The following GULP1 variants were observed in gnomAD, a reference collection of about 807,000 sequenced individuals.
GULP1 encodes GULP PTB domain containing engulfment adaptor 1.
GULP1 carries 19 observed loss-of-function variants against 40.9 expected under a neutral mutation model. The observed-to-expected ratio is 0.46, with a 90% CI of 0.32 to 0.68. GULP1 has a LOEUF of 0.68. Ranked by LOEUF, GULP1 falls within the 30% of genes least tolerant of loss-of-function variation. The pLI is 0.03. For synonymous variants in GULP1, 119 were observed against 117.6 expected, an observed-to-expected ratio of 1.01 and a Z score of -0.08; for missense variants, 312 against 362.2, an observed-to-expected ratio of 0.86 and a Z score of 1.12.
At chr2:188,321,104 G>T (rs1248012824) in intron 1 of GULP1, among the ~76,000 whole-genome samples, 8 of 152,088 alleles carry the variant, frequency 5.3e-5, no homozygotes, top group African/African-American at 1.9e-4. Context: ...TATTTTAAAA[G>T]AATTACCTAT....
chr2:188,465,058 C>T (rs1222566560), intron 2 of GULP1, among the ~76,000 whole-genome samples: 2 of 151,656 alleles, frequency 1.3e-5, no homozygotes, highest in African/African-American at 4.8e-5. Flanking sequence ...CTTTTTCCTC[C>T]ACTTCTCTCA....
At chr2:188,376,461 A>C (rs970824461) in intron 1 of GULP1, among the ~76,000 whole-genome samples, 1 of 152,208 alleles carries the variant, frequency 6.6e-6, no homozygotes, top group South Asian at 2.1e-4. Context: ...GAATTGAGTG[A>C]ACAGTTGGTT....
intron 2 of GULP1, among the ~76,000 whole-genome samples, chr2:188,448,965 C>T (rs1575327117): frequency 1.3e-5 from 2 of 152,116 alleles, no homozygotes; most frequent in Non-Finnish European, 2.9e-5. Context: ...TGAGCAGATG[C>T]CAGTGCCATG....
intron 9 of GULP1, among the ~76,000 whole-genome samples, chr2:188,583,196 A>T (rs1701666992): frequency 6.6e-6 from 1 of 152,144 alleles, no homozygotes; most frequent in Non-Finnish European, 1.5e-5. Context: ...AGAAAGGGGG[A>T]TGACAGCAAT....
chr2:188,304,264 T>C (rs1011335810), intron 1 of GULP1, among the ~76,000 whole-genome samples: 9 of 152,184 alleles, frequency 5.9e-5, no homozygotes, highest in African/African-American at 1.2e-4. Context: ...TTTGTCTCTT[T>C]CTGTCTATTA....
At chr2:188,311,337 C>T (rs1204222237) in intron 1 of GULP1, among the ~76,000 whole-genome samples, 2 of 152,070 alleles carry the variant, frequency 1.3e-5, no homozygotes, top group Non-Finnish European at 2.9e-5. Context: ...GCTGGGACTA[C>T]AGGCATGCGC....
chr2:188,492,244 T>C (rs891206418), intron 4 of GULP1, among the ~76,000 whole-genome samples: 1 of 152,000 alleles, frequency 6.6e-6, no homozygotes. Context: ...CAAAGTGTTA[T>C]ATATTTAAGA....
chr2:188,542,576 G>C (rs1690814159), intron 7 of GULP1, among the ~76,000 whole-genome samples: 1 of 151,840 alleles, frequency 6.6e-6, no homozygotes. Flanking sequence ...TAAGCTACTA[G>C]ATATCATAAT....
intron 2 of GULP1, among the ~76,000 whole-genome samples, chr2:188,410,174 T>C (rs2053676301): frequency 6.6e-6 from 1 of 152,176 alleles, no homozygotes; most frequent in Non-Finnish European, 1.5e-5. Flanking sequence ...TGTCATTTCA[T>C]GTCACATACA....
chr2:188,389,784 T>C lies in GULP1; in HGVS notation c.-45+5895T>C, dbSNP rs10170681. Among the ~76,000 whole-genome samples, 307 of 152,236 alleles carry C rather than the reference T, an allele frequency of 2.0e-3. 1 individual carries two copies. Among genetic ancestry groups the C allele is most frequent in the African/African-American group, 7.1e-3 (294 of 41,538 alleles). On this transcript the variant is annotated intron_variant, in intron 2 of 11. Transcript: ENST00000409830. ...CAGTTCCCACCCTCCCCATTCTGGA[T>C]GTAGCTATCCAGAGTCTCCAAAGTC...
chr2:188,335,673 A>G (rs1367714294), intron 1 of GULP1, among the ~76,000 whole-genome samples: 1 of 152,218 alleles, frequency 6.6e-6, no homozygotes, highest in Non-Finnish European at 1.5e-5. Context: ...ATAGGATTTG[A>G]CGCAAAAAAA....
chr2:188,465,317 G>A (rs77659029), intron 2 of GULP1, among the ~76,000 whole-genome samples: 1 of 151,952 alleles, frequency 6.6e-6, no homozygotes, highest in African/African-American at 2.4e-5. Context: ...GGAAGCTAAG[G>A]TCTGAACAGG....
intron 1 of GULP1, among the ~76,000 whole-genome samples, chr2:188,358,897 TA>T (rs1003355666): frequency 2.0e-5 from 3 of 152,100 alleles, no homozygotes; most frequent in African/African-American, 7.2e-5. Context: ...ATTGACACAT[TA>T]AAAAATAAGT....
chr2:188,569,413 C>G (rs1698542863), intron 8 of GULP1, 58 bp downstream of exon 8: 2 of 898,982 alleles, frequency 2.2e-6, no homozygotes, highest in Non-Finnish European at 3.8e-6. Context: ...GGGAAACTTG[C>G]ATATCGTCAA....
In GULP1 at chr2:188,298,189, C is replaced by T. The variant is rs996048326; in HGVS notation, c.-172+6023C>T. On this transcript the variant is annotated intron_variant, in intron 1 of 11. Coordinates refer to ENST00000409830, the MANE Select transcript of GULP1 (RefSeq NM_016315.4). ...GGTTGATGATCAAACTCTCCTTTTA[C>T]TTCCTTGATGATGTGTGTTATTATA... is the stretch of plus-strand genomic sequence containing the variant. Among the ~76,000 whole-genome samples, 3 of 152,074 alleles carry T rather than the reference C, an allele frequency of 2.0e-5. No individual in the cohort carries two copies. The South Asian group carries it at 6.3e-4, about 32-fold the overall frequency.
intron 2 of GULP1, among the ~76,000 whole-genome samples, chr2:188,390,369 G>A (rs2050351226): frequency 6.6e-6 from 1 of 152,124 alleles, no homozygotes; most frequent in Non-Finnish European, 1.5e-5. Flanking sequence ...GATTAGTGAT[G>A]TTGAGCATTT....
At chr2:188,389,946 T>C (rs2050287985) in intron 2 of GULP1, among the ~76,000 whole-genome samples, 3 of 152,078 alleles carry the variant, frequency 2.0e-5, no homozygotes, top group African/African-American at 7.2e-5. Context: ...GCAAAAGACA[T>C]TATTTCATCC....
intron 6 of GULP1, among the ~76,000 whole-genome samples, chr2:188,535,115 T>C (rs1024414693): frequency 4.6e-5 from 7 of 151,500 alleles, no homozygotes; most frequent in Non-Finnish European, 8.8e-5. Flanking sequence ...AAATTAATAG[T>C]AAATTACTAG....
chr2:188,326,124 A>T (rs1353912279), intron 1 of GULP1, among the ~76,000 whole-genome samples: 1 of 151,992 alleles, frequency 6.6e-6, no homozygotes, highest in Non-Finnish European at 1.5e-5. Flanking sequence ...CATTTTTGTT[A>T]GCTTATTCTT....
Sources: gnomAD v4.1 joint callset for allele counts (sites outside exome capture counted in the v4.1 genomes callset) on GRCh38, gnomAD v4.1.1 for gene constraint, MANE v1.5 for transcripts, NCBI Gene and HGNC (gene_info 2026-07-23, HGNC 2026-07-21) for gene names.